Variants in WDR7 observed in about 807,000 individuals in gnomAD.
The protein encoded by WDR7 is WD repeat domain 7.
Under a neutral mutation model 169.4 loss-of-function variants are expected in WDR7, and 46 were observed. That is an observed-to-expected ratio of 0.27 (90% confidence interval 0.21 to 0.35). The LOEUF is 0.35. WDR7 is among the 10% of genes least tolerant of loss of function. The pLI is 1.00. For synonymous variants in WDR7, 612 were observed against 666.8 expected, an observed-to-expected ratio of 0.92 and a Z score of 1.27; for missense variants, 1,534 against 1,859.3, an observed-to-expected ratio of 0.83 and a Z score of 3.22.
chr18:57,019,424 A>G (rs915965970), intron 26 of WDR7, among the ~76,000 whole-genome samples: 2 of 152,188 alleles, frequency 1.3e-5, no homozygotes, highest in Admixed American at 1.3e-4. Flanking sequence ...TAGGTTCCAC[A>G]GTTAATACGT....
At chr18:56,844,804 A>ATTGAT (rs2045543354) in intron 20 of WDR7, among the ~76,000 whole-genome samples, 1 of 152,180 alleles carries the variant, frequency 6.6e-6, no homozygotes, top group African/African-American at 2.4e-5. Flanking sequence ...TGCTAGTTAT[A>ATTGAT]TTGATTTAAA....
chr18:56,989,752 A>G (rs1399887365), intron 26 of WDR7, among the ~76,000 whole-genome samples: 1 of 152,158 alleles, frequency 6.6e-6, no homozygotes, highest in Non-Finnish European at 1.5e-5. Context: ...AATAAGAATT[A>G]TAAGTTTCCA....
chr18:56,719,644 C>A (rs1444960667), intron 13 of WDR7, among the ~76,000 whole-genome samples: 1 of 150,476 alleles, frequency 6.6e-6, no homozygotes, highest in East Asian at 1.9e-4. Context: ...TATGTTATGT[C>A]CTATCTGCTG....
At chr18:56,824,600 C>T (rs1368657282) in intron 20 of WDR7, among the ~76,000 whole-genome samples, 1 of 152,200 alleles carries the variant, frequency 6.6e-6, no homozygotes, top group Non-Finnish European at 1.5e-5. Flanking sequence ...ATCTCCTTAA[C>T]CTCCCTGCCC....
intron 20 of WDR7, among the ~76,000 whole-genome samples, chr18:56,856,841 A>AT (rs1405922474): frequency 1.3e-5 from 2 of 152,094 alleles, no homozygotes; most frequent in Non-Finnish European, 2.9e-5. Context: ...AGAAGTAGAG[A>AT]TTTTTAGCTG....
chr18:56,892,635 C>A (rs558432503), intron 21 of WDR7, among the ~76,000 whole-genome samples: 3 of 152,000 alleles, frequency 2.0e-5, no homozygotes, highest in Admixed American at 6.6e-5. Context: ...CTATAGAAAT[C>A]GTATGGCCTG....
chr18:56,786,329 A>G lies in WDR7; in HGVS notation c.3190+4673A>G, dbSNP rs556373318. On this transcript the variant is annotated intron_variant, in intron 19 of 27. Transcript: ENST00000254442. ...GCGGATTGCCTGAGCTCAGGAGTTC[A>G]AGACCAGCCTGGGCAACAGGGTGAA... Among the ~76,000 whole-genome samples the G allele has an allele frequency of 1.8e-4, 27 of 152,246 alleles. No homozygotes were observed. The South Asian group carries it at 5.6e-3, about 32-fold the overall frequency.
intron 14 of WDR7, among the ~76,000 whole-genome samples, chr18:56,744,615 C>A (rs1303968946): frequency 6.6e-6 from 1 of 152,132 alleles, no homozygotes; most frequent in East Asian, 1.9e-4. Context: ...ATTGTGGAAT[C>A]CAGGGCCTGA....
chr18:56,786,569 G>T (rs1477032687), intron 19 of WDR7, among the ~76,000 whole-genome samples: 3 of 151,592 alleles, frequency 2.0e-5, no homozygotes, highest in African/African-American at 7.3e-5. Flanking sequence ...AAAGAGTCAA[G>T]CCCTAATTGA....
chr18:56,804,234 T>C (rs2044727478), intron 19 of WDR7, among the ~76,000 whole-genome samples: 1 of 152,194 alleles, frequency 6.6e-6, no homozygotes, highest in South Asian at 2.1e-4. Context: ...GATTGTCTGC[T>C]AGCAGATTAA....
chr18:56,776,627 T>G (rs1287487646), intron 16 of WDR7, 155 bp from the exon 17 acceptor site: 1 of 650,142 alleles, frequency 1.5e-6, no homozygotes, highest in Admixed American at 2.6e-5. Flanking sequence ...CTGTAATCTT[T>G]AATGATCATG....
At chr18:56,786,228 TTGTTA>T (rs776305672) in intron 19 of WDR7, among the ~76,000 whole-genome samples, 2 of 151,948 alleles carry the variant, frequency 1.3e-5, no homozygotes, top group African/African-American at 2.4e-5. Context: ...AGCTCACAGA[TTGTTA>T]TAAGAATAAA....
intron 25 of WDR7, among the ~76,000 whole-genome samples, chr18:56,960,300 C>G (rs2047321734): frequency 6.6e-6 from 1 of 152,088 alleles, no homozygotes; most frequent in African/African-American, 2.4e-5. Flanking sequence ...GGCAATGTAA[C>G]AAAACCTCTT....
In WDR7 at chr18:57,028,727, G is replaced by C. The variant is rs954545155; in HGVS notation, c.*1520G>C. The C allele has an allele frequency of 1.3e-4, 20 of 152,536 alleles. No individual in the cohort carries two copies. The highest frequency in any genetic ancestry group is 4.6e-4 in the African/African-American group (19 of 41,448). 9.4% of individuals were successfully genotyped at this position (152,536 alleles called of 1,614,324 possible). ...TATTTCACTGAAACAGATTTTTAAA[G>C]AGCATATTAAGAAATTAAGACCATT... On this transcript the variant is annotated 3_prime_UTR_variant, in exon 28 of 28. Transcript: ENST00000254442.
chr18:56,697,020 A>G (rs1211338903), intron 12 of WDR7, among the ~76,000 whole-genome samples: 2 of 152,112 alleles, frequency 1.3e-5, no homozygotes, highest in African/African-American at 2.4e-5. Context: ...GTGATGTCTT[A>G]TAAATAGAAA....
intron 2 of WDR7, among the ~76,000 whole-genome samples, chr18:56,674,949 T>G (rs1308143714): frequency 6.6e-6 from 1 of 152,224 alleles, no homozygotes; most frequent in Non-Finnish European, 1.5e-5. Flanking sequence ...CATTGAATGC[T>G]ATTGGACTCT....
intron 19 of WDR7, among the ~76,000 whole-genome samples, chr18:56,791,810 G>A (rs1286956275): frequency 6.6e-6 from 1 of 152,078 alleles, no homozygotes; most frequent in African/African-American, 2.4e-5. Context: ...TCTCCGTTTT[G>A]TCACTACCCA....
intron 26 of WDR7, among the ~76,000 whole-genome samples, chr18:56,979,295 T>G (rs1657412): frequency 0.23 from 34,803 of 152,108 alleles, 7,918 homozygotes; most frequent in African/African-American, 0.59. Flanking sequence ...GTCCTGAGCT[T>G]AGTTAGGGCT....
chr18:56,878,458 A>G (rs142760610), intron 20 of WDR7, among the ~76,000 whole-genome samples: 1 of 152,056 alleles, frequency 6.6e-6, no homozygotes, highest in Admixed American at 6.6e-5. Context: ...GTTTATTTTC[A>G]TGCTTGTTAT....
Sources: gnomAD v4.1 joint callset for allele counts (sites outside exome capture counted in the v4.1 genomes callset) on GRCh38, gnomAD v4.1.1 for gene constraint, MANE v1.5 for transcripts, NCBI Gene and HGNC (gene_info 2026-07-23, HGNC 2026-07-21) for gene names.